The following NUCKS1 variants were observed in gnomAD, a reference collection of about 807,000 sequenced individuals.
The protein encoded by NUCKS1 is nuclear casein kinase and cyclin dependent kinase substrate 1.
NUCKS1 carries 2 observed loss-of-function variants against 33.0 expected under a neutral mutation model. The ratio of observed to expected loss-of-function variants is 0.06; its 90% CI spans 0.02 to 0.19. NUCKS1 has a LOEUF of 0.19. NUCKS1 is among the 10% of genes least tolerant of loss of function. The probability of loss-of-function intolerance (pLI) is 1.00; values close to 1 mark genes in which losing one functional copy is unlikely to be tolerated. For missense variants in NUCKS1, 201 were observed against 293.6 expected (o/e 0.68, Z 2.31); for synonymous variants, 106 against 102.8 (o/e 1.03, Z -0.19).
intron 1 of NUCKS1, among the ~76,000 whole-genome samples, chr1:205,739,541 C>A (rs1352190370): frequency 2.0e-5 from 3 of 152,014 alleles, no homozygotes; most frequent in East Asian, 3.9e-4. Flanking sequence ...GGCACAATGA[C>A]ACCTAACAGC....
At chr1:205,742,593 G>C (rs1654205540) in intron 1 of NUCKS1, among the ~76,000 whole-genome samples, 1 of 152,178 alleles carries the variant, frequency 6.6e-6, no homozygotes, top group South Asian at 2.1e-4. Flanking sequence ...GGGAGGCCGA[G>C]GTGGGCGGAT....
intron 1 of NUCKS1, among the ~76,000 whole-genome samples, chr1:205,730,365 G>A (rs1295789443): frequency 2.0e-5 from 3 of 151,364 alleles, no homozygotes; most frequent in African/African-American, 7.3e-5. Flanking sequence ...TTTTTTAAAG[G>A]CCCCCACTTA....
chr1:205,739,207 G>A (rs1397883803), intron 1 of NUCKS1, among the ~76,000 whole-genome samples: 3 of 152,176 alleles, frequency 2.0e-5, no homozygotes, highest in Admixed American at 6.5e-5. Flanking sequence ...TCCAACCCAA[G>A]TCCTTCCAAA....
In NUCKS1 at chr1:205,715,425, A is replaced by G. The variant is rs887875945; in HGVS notation, c.*2855T>C. On this transcript the variant is annotated 3_prime_UTR_variant, in exon 7 of 7. Transcript: ENST00000367142. ...TGGAGTGGAAATATGAAATGAGGAG[A>G]TGTTTTAGAAAGCAGGACAAATCTA... The G allele has an allele frequency of 1.1e-4, 17 of 152,214 alleles. No homozygotes were observed. The highest frequency in any genetic ancestry group is 4.1e-4 in the African/African-American group (17 of 41,454). 9.4% of individuals were successfully genotyped at this position (152,214 alleles called of 1,614,324 possible).
chr1:205,730,021 CAA>C (rs1226385521), intron 1 of NUCKS1, among the ~76,000 whole-genome samples: 4 of 119,650 alleles, frequency 3.3e-5, no homozygotes, highest in Non-Finnish European at 3.6e-5. Flanking sequence ...AACTCCATCT[CAA>C]AAAAAAAAAA....
At chr1:205,731,772 G>T (rs1389491532) in intron 1 of NUCKS1, among the ~76,000 whole-genome samples, 2 of 151,878 alleles carry the variant, frequency 1.3e-5, no homozygotes, top group Non-Finnish European at 2.9e-5. Flanking sequence ...GGCGCCTGTA[G>T]TCCCAGCTAC....
At chr1:205,725,433 G>A (rs1653730222) in intron 3 of NUCKS1, among the ~76,000 whole-genome samples, 1 of 152,156 alleles carries the variant, frequency 6.6e-6, no homozygotes, top group Non-Finnish European at 1.5e-5. Context: ...CAAAGAGAAT[G>A]ACCAAACATA....
chr1:205,744,212 T>C (rs1281923829), intron 1 of NUCKS1, among the ~76,000 whole-genome samples: 1 of 152,200 alleles, frequency 6.6e-6, no homozygotes, highest in Non-Finnish European at 1.5e-5. Context: ...CAATGTCACA[T>C]TGAAAAGATC....
intron 2 of NUCKS1, among the ~76,000 whole-genome samples, chr1:205,728,455 A>G (rs1345838407): frequency 6.6e-6 from 1 of 152,206 alleles, no homozygotes; most frequent in Non-Finnish European, 1.5e-5. Flanking sequence ...AATTTTTCAA[A>G]TACCTTTTAT....
intron 6 of NUCKS1, 56 bp downstream of exon 6, chr1:205,719,471 A>G: frequency 6.6e-7 from 1 of 1,525,118 alleles, no homozygotes; most frequent in Non-Finnish European, 8.9e-7. Context: ...TATTGAAAAT[A>G]ATGATTCTCA....
At chr1:205,739,870 T>C (rs1654121622) in intron 1 of NUCKS1, among the ~76,000 whole-genome samples, 2 of 152,092 alleles carry the variant, frequency 1.3e-5, no homozygotes, top group African/African-American at 4.8e-5. Context: ...ATTATAGGTG[T>C]GAGCCACTGT....
At chr1:205,721,835 T>C (rs745952501) in intron 4 of NUCKS1, among the ~76,000 whole-genome samples, 10 of 151,050 alleles carry the variant, frequency 6.6e-5, no homozygotes, top group Non-Finnish European at 1.5e-4. Context: ...CCACCACTCC[T>C]GGCTAATTTT....
chr1:205,735,192 A>C (rs1219444738), intron 1 of NUCKS1, among the ~76,000 whole-genome samples: 2 of 152,224 alleles, frequency 1.3e-5, no homozygotes, highest in Admixed American at 1.3e-4. Context: ...AACTGCATAC[A>C]TGACAATGGT....
chr1:205,720,545 C>T lies in NUCKS1; in HGVS notation c.338G>A (p.Ser113Asn). ...QREMLMEDVGSEEEQEEEDEA... is the reference protein window; with the variant it reads ...QREMLMEDVGNEEEQEEEDEA... The stretch of plus-strand genomic sequence containing the variant: ...ATCCTCCTCTTCTTGTTCTTCCTCA[C>T]TGCCCACATCTTCCATGAGCATCTC... The change falls in exon 5 of 7, where the codon AGT (serine) becomes AAT (asparagine). Residue 113 changes from serine (S) to asparagine (N), a missense_variant. Coordinates refer to ENST00000367142, the MANE Select transcript of NUCKS1 (RefSeq NM_022731.5). The T allele has an allele frequency of 6.2e-7, 1 of 1,614,188 alleles. No homozygotes were observed. The highest frequency in any genetic ancestry group is 8.5e-7 in the Non-Finnish European group (1 of 1,180,024).
intron 1 of NUCKS1, among the ~76,000 whole-genome samples, chr1:205,743,745 CACA>C (rs778855674): frequency 7.9e-5 from 12 of 152,252 alleles, no homozygotes; most frequent in Non-Finnish European, 1.6e-4. Context: ...GACCTTGTAA[CACA>C]ACATTATTAA....
intron 3 of NUCKS1, among the ~76,000 whole-genome samples, chr1:205,725,784 A>C (rs1476582241): frequency 1.3e-5 from 2 of 152,222 alleles, no homozygotes; most frequent in African/African-American, 2.4e-5. Context: ...CTGCAACAAG[A>C]AAAACTGTAA....
intron 1 of NUCKS1, among the ~76,000 whole-genome samples, chr1:205,736,251 C>T (rs1474658015): frequency 6.6e-6 from 1 of 152,034 alleles, no homozygotes; most frequent in Non-Finnish European, 1.5e-5. Flanking sequence ...CACATCCAGC[C>T]CTCCCTATTT....
Position 205,750,022 on chromosome 1 carries a change from C to CCCCCACCCCGCGCGCTCGGCG in NUCKS1, c.-70_-50dup, listed in dbSNP as rs1298717846. The CCCCCACCCCGCGCGCTCGGCG allele has an allele frequency of 6.9e-6, 7 of 1,016,096 alleles. No individual in the cohort carries two copies. Among genetic ancestry groups the CCCCCACCCCGCGCGCTCGGCG allele is most frequent in the Admixed American group, 6.6e-5 (3 of 45,742 alleles). 62.9% of individuals were successfully genotyped at this position (1,016,096 alleles called of 1,614,324 possible). On this transcript the variant is annotated 5_prime_UTR_variant, in exon 1 of 7. Transcript: ENST00000367142. ...GTCGAGAAGCCAAAGACCAGGACCC[C>CCCCCACCCCGCGCGCTCGGCG]CCCCACCCCGCGCGCTCGGCGCCCC...
At chr1:205,729,696 C>CT in intron 1 of NUCKS1, 75 bp from the exon 2 acceptor site, 1 of 1,088,382 alleles carries the variant, frequency 9.2e-7, no homozygotes, top group Non-Finnish European at 1.4e-6. Flanking sequence ...ACACATTTCT[C>CT]TTTCATAAAC....
Sources: gnomAD v4.1 joint callset for allele counts (sites outside exome capture counted in the v4.1 genomes callset) on GRCh38, gnomAD v4.1.1 for gene constraint, MANE v1.5 for transcripts, NCBI Gene and HGNC (gene_info 2026-07-23, HGNC 2026-07-21) for gene names.